ADGRD1: variants seen among roughly 807,000 people sequenced by gnomAD.
ADGRD1 encodes the protein adhesion G protein-coupled receptor D1.
A neutral mutation model predicts 113.4 loss-of-function variants in ADGRD1; 77 were observed. That is an observed-to-expected ratio of 0.68 (90% confidence interval 0.57 to 0.82). The LOEUF (loss-of-function observed/expected upper bound fraction) is 0.82. ADGRD1 is among the 40% of genes least tolerant of loss of function. The pLI, the probability that ADGRD1 is intolerant of heterozygous loss-of-function variation, is 0.00. For missense variants in ADGRD1, 1,036 were observed against 1,139.1 expected, an observed-to-expected ratio of 0.91 and a Z score of 1.30; for synonymous variants, 474 against 475.0, an observed-to-expected ratio of 1.00 and a Z score of 0.03.
intron 13 of ADGRD1, among the ~76,000 whole-genome samples, chr12:131,031,490 G>A (rs768362710): frequency 1.1e-4 from 16 of 152,178 alleles, no homozygotes; most frequent in South Asian, 2.1e-4. Context: ...TTCTGTCGAC[G>A]AGTCACCCAT....
At chr12:130,961,759 T>G (rs1395849534) in intron 2 of ADGRD1, among the ~76,000 whole-genome samples, 1 of 152,112 alleles carries the variant, frequency 6.6e-6, no homozygotes, top group East Asian at 1.9e-4. Flanking sequence ...ATTCAGCCCA[T>G]CCCATTAGCA....
At position 130,971,550 on chromosome 12, in the gene ADGRD1, A is replaced by G. The variant is rs755791900; in HGVS notation, c.280A>G (p.Ile94Val). 1 of 1,613,352 alleles carries G rather than the reference A, an allele frequency of 6.2e-7. No homozygotes were observed. Among genetic ancestry groups the G allele is most frequent in the South Asian group, 1.1e-5 (1 of 90,960 alleles). ...TTACGGCAGGTACAACAGCTCCTGC[A>G]TCAGCAAGCCAGAGCAGTGTGGCCC... ...LYYGRYNSSC[I>V]SKPEQCGPEG... The change falls in exon 4 of 25, where the codon ATC becomes GTC. Residue 94 changes from isoleucine (I) to valine (V), a missense_variant. Coordinates refer to ENST00000261654, the MANE Select transcript of ADGRD1 (RefSeq NM_198827.5). The surrounding 1 kb of genome is among the most constrained non-coding windows in gnomAD (Gnocchi z 4.2).
chr12:130,968,831 G>A, intron 3 of ADGRD1: 3 of 610,484 alleles, frequency 4.9e-6, no homozygotes, highest in Admixed American at 5.7e-5. Context: ...GAGGCTGGGG[G>A]ATGTGAGGTC....
chr12:131,097,557 C>T (rs1593208279), intron 15 of ADGRD1, among the ~76,000 whole-genome samples: 1 of 152,236 alleles, frequency 6.6e-6, no homozygotes, highest in Admixed American at 6.5e-5. Flanking sequence ...GCTACGGCTG[C>T]CTACGGCCAG....
chr12:131,005,273 C>T (rs1160179946), intron 11 of ADGRD1, among the ~76,000 whole-genome samples: 1 of 152,236 alleles, frequency 6.6e-6, no homozygotes, highest in Admixed American at 6.5e-5. Context: ...ATGCCACCTT[C>T]CTCCAGCATC....
intron 2 of ADGRD1, among the ~76,000 whole-genome samples, chr12:130,964,414 G>A (rs750455525): frequency 6.6e-5 from 10 of 152,138 alleles, no homozygotes; most frequent in African/African-American, 1.4e-4. Flanking sequence ...GGCCAGGCGC[G>A]TTGGCTCACG....
At position 131,105,019 on chromosome 12, in the gene ADGRD1, G is replaced by A. The variant is rs1950198882; in HGVS notation, c.1775+85G>A. ...CAAGATGGAAGAGACACGGGAGAGG[G>A]GAGGGGCTGTGGAGGTAAGAGCACC... On this transcript the variant is annotated intron_variant, in intron 16 of 24. Coordinates refer to ENST00000261654, the MANE Select transcript of ADGRD1 (RefSeq NM_198827.5). 3.1e-6 allele frequency: 3 copies of A among 975,228 alleles called. No individual in the cohort carries two copies. The African/African-American group carries it at 4.9e-5, about 16-fold the overall frequency. The allele number at this position is 975,228 out of a possible 1,614,324, so 60.4% of individuals were successfully genotyped here.
At position 131,120,852 on chromosome 12, in the gene ADGRD1, G is replaced by A; in HGVS notation, c.2114G>A (p.Trp705Ter). 6.2e-7 allele frequency: 1 copy of A among 1,614,264 alleles called. No homozygotes were observed. The highest frequency in any genetic ancestry group is 8.5e-7 in the Non-Finnish European group (1 of 1,180,046). Reference protein sequence around the residue: ...MDSYGTSNNCWLSLASGAIWA... With the variant: ...MDSYGTSNNC Reference sequence around the variant, plus strand: ...GGCTCTGCTTCCCTCCGCAGTTGCTGGCTGTCGTTGGCGAGTGGCGCCATC... The same window carrying A: ...GGCTCTGCTTCCCTCCGCAGTTGCTAGCTGTCGTTGGCGAGTGGCGCCATC... Residue 705 changes from tryptophan (W) to a stop codon, truncating the protein, a stop_gained, in exon 20 of 25, where the codon TGG becomes TAG. Transcript: ENST00000261654. LOFTEE classifies it high-confidence loss of function.
chr12:131,056,950 T>C (rs1883916355), intron 13 of ADGRD1, among the ~76,000 whole-genome samples: 2 of 152,220 alleles, frequency 1.3e-5, no homozygotes, highest in South Asian at 2.1e-4. Context: ...TGTGGAGGCG[T>C]TGATTGTGCC....
chr12:131,076,310 A>G (rs1885602595), intron 13 of ADGRD1, among the ~76,000 whole-genome samples: 1 of 152,214 alleles, frequency 6.6e-6, no homozygotes, highest in Non-Finnish European at 1.5e-5. Flanking sequence ...GTGGATATGT[A>G]ATATGCCACA....
At chr12:131,010,687 G>A (rs1035488437) in intron 12 of ADGRD1, among the ~76,000 whole-genome samples, 49 of 152,300 alleles carry the variant, frequency 3.2e-4, no homozygotes, top group South Asian at 1.0e-3. Context: ...GTGGGGCTCC[G>A]TGGGGCCAGG....
In ADGRD1 at chr12:131,139,340, C is replaced by T; in HGVS notation, c.*77C>T. Reference sequence around the variant, plus strand: ...ACAGAATGAAATGCCCCACCTTTGCCCATGGACCCTCTCCTTGCTGCTGTC... The same window carrying T: ...ACAGAATGAAATGCCCCACCTTTGCTCATGGACCCTCTCCTTGCTGCTGTC... On this transcript the variant is annotated 3_prime_UTR_variant, in exon 25 of 25. Coordinates refer to ENST00000261654, the MANE Select transcript of ADGRD1 (RefSeq NM_198827.5). 1 of 986,552 alleles carries T rather than the reference C, an allele frequency of 1.0e-6. No homozygotes were observed. Among genetic ancestry groups the T allele is most frequent in the African/African-American group, 1.6e-5 (1 of 62,490 alleles). 61.1% of individuals were successfully genotyped at this position (986,552 alleles called of 1,614,324 possible). A position where few individuals can be genotyped will look rare whatever the true frequency, so the allele number is the denominator to read the frequency against.
chr12:131,131,037 G>A (rs1263736310), intron 20 of ADGRD1, among the ~76,000 whole-genome samples: 1 of 152,168 alleles, frequency 6.6e-6, no homozygotes. Context: ...CCCTAACCCC[G>A]CAGCCAGAGG....
chr12:131,130,357 C>T (rs545821609), intron 20 of ADGRD1, among the ~76,000 whole-genome samples: 18 of 152,244 alleles, frequency 1.2e-4, no homozygotes, highest in Non-Finnish European at 2.1e-4. Context: ...AGACAGGAGC[C>T]GAGGAGGGAA....
chr12:131,070,824 T>C (rs779783475), intron 13 of ADGRD1: 1 of 518,904 alleles, frequency 1.9e-6, no homozygotes, highest in Non-Finnish European at 3.8e-6. Flanking sequence ...CCTTATAGGT[T>C]GGCTGGCCTC....
intron 8 of ADGRD1, among the ~76,000 whole-genome samples, chr12:130,996,884 C>G (rs1875508604): frequency 8.1e-6 from 1 of 123,872 alleles, no homozygotes; most frequent in African/African-American, 3.2e-5. Context: ...GGCAGAGGGG[C>G]TCCTCACTTC....
At chr12:131,066,803 G>A (rs899992837) in intron 13 of ADGRD1, among the ~76,000 whole-genome samples, 3 of 152,204 alleles carry the variant, frequency 2.0e-5, no homozygotes, top group Non-Finnish European at 2.9e-5. Flanking sequence ...CCTGGCTGGC[G>A]GCGGGGGCAC....
chr12:130,997,194 C>G (rs1311880262), intron 8 of ADGRD1, among the ~76,000 whole-genome samples: 3 of 141,464 alleles, frequency 2.1e-5, no homozygotes, highest in Non-Finnish European at 3.1e-5. Context: ...GCTGACCCCC[C>G]CCCCCGGACG....
At chr12:131,131,672 C>T (rs550204439) in intron 20 of ADGRD1, 53 bp from the exon 21 acceptor site, 9 of 1,297,596 alleles carry the variant, frequency 6.9e-6, no homozygotes, top group African/African-American at 4.4e-5. Context: ...ACGCAGCTCT[C>T]CTGCAGGTGC....
Sources: allele counts gnomAD v4.1 joint callset (sites outside exome capture counted in the v4.1 genomes callset), GRCh38; gene constraint gnomAD v4.1.1; non-coding constraint Gnocchi (gnomAD v3.1); transcripts MANE v1.5; gene names NCBI Gene and HGNC (gene_info 2026-07-23, HGNC 2026-07-21).